The following ESRRG variants were observed in gnomAD, a reference collection of about 807,000 sequenced individuals.
ESRRG encodes the protein estrogen-related receptor gamma.
ESRRG carries 13 observed loss-of-function variants against 44.0 expected under a neutral mutation model. The ratio of observed to expected loss-of-function variants is 0.30; its 90% CI spans 0.19 to 0.47. ESRRG has a LOEUF of 0.47. ESRRG is among the 20% of genes least tolerant of loss of function. The pLI, the probability that ESRRG is intolerant of heterozygous loss-of-function variation, is 1.00. For synonymous variants in ESRRG, 215 were observed against 214.6 expected (o/e 1.00, Z -0.02); for missense variants, 395 against 580.6 (o/e 0.68, Z 3.29).
At chr1:216,959,545 G>C (rs2068626655) in intron 1 of ESRRG, 1 of 152,104 alleles carries the variant, frequency 6.6e-6, no homozygotes, top group Admixed American at 6.6e-5. Flanking sequence ...AAATTAGCTG[G>C]ATGCAGTGGT....
chr1:216,918,573 G>T (rs1027070312), intron 2 of ESRRG, among the ~76,000 whole-genome samples: 2 of 152,002 alleles, frequency 1.3e-5, no homozygotes, highest in African/African-American at 4.8e-5. Flanking sequence ...TGTCTCTAGA[G>T]ACTTCTTCCT....
intron 1 of ESRRG, among the ~76,000 whole-genome samples, chr1:217,116,519 C>T (rs79752212): frequency 0.022 from 3,380 of 152,242 alleles, 132 homozygotes; most frequent in African/African-American, 0.077. Context: ...ATAGGGAAAG[C>T]AGTTTCCCAT....
At chr1:217,126,135 C>A (rs568581649) in intron 1 of ESRRG, among the ~76,000 whole-genome samples, 1 of 152,104 alleles carries the variant, frequency 6.6e-6, no homozygotes, top group African/African-American at 2.4e-5. Flanking sequence ...ACTAGTTGTG[C>A]GGTCATGGGC....
chr1:216,913,411 C>T (rs1266494817), intron 2 of ESRRG, among the ~76,000 whole-genome samples: 10 of 152,074 alleles, frequency 6.6e-5, no homozygotes, highest in African/African-American at 1.9e-4. Flanking sequence ...AACAATCCTT[C>T]ATGGATACTG....
At chr1:216,872,378 G>A (rs1021478678) in intron 2 of ESRRG, among the ~76,000 whole-genome samples, 1 of 152,042 alleles carries the variant, frequency 6.6e-6, no homozygotes, top group African/African-American at 2.4e-5. Flanking sequence ...TTCTTCAAGT[G>A]TGTTTTAGCA....
intron 1 of ESRRG, among the ~76,000 whole-genome samples, chr1:216,954,739 T>C (rs752473597): frequency 6.6e-6 from 1 of 152,150 alleles, no homozygotes; most frequent in East Asian, 1.9e-4. Context: ...ATATACGCTA[T>C]GTTTCTTCAA....
At chr1:216,578,831 A>C (rs1194977849) in intron 3 of ESRRG, among the ~76,000 whole-genome samples, 1 of 152,134 alleles carries the variant, frequency 6.6e-6, no homozygotes, top group African/African-American at 2.4e-5. Flanking sequence ...GACCTGAGCT[A>C]TCCACAGTTG....
At chr1:217,096,392 G>A (rs867232066) in intron 1 of ESRRG, among the ~76,000 whole-genome samples, 7 of 152,356 alleles carry the variant, frequency 4.6e-5, no homozygotes, top group Admixed American at 1.3e-4. Flanking sequence ...TGAACCAGCA[G>A]AGGAAACTCA....
intron 1 of ESRRG, among the ~76,000 whole-genome samples, chr1:216,982,250 G>A (rs1248821352): frequency 6.6e-6 from 1 of 152,150 alleles, no homozygotes; most frequent in African/African-American, 2.4e-5. Context: ...CCATAGTACA[G>A]CCTTTCACTG....
rs1313443879 is a variant in ESRRG at position 216,505,981 on chromosome 1, C to T, written c.*958G>A. On this transcript the variant is annotated 3_prime_UTR_variant, in exon 7 of 7. Coordinates refer to ENST00000408911, the MANE Select transcript of ESRRG (RefSeq NM_001438.4). ...ATTATTGTTCGTAATTGTTCAAAGC[C>T]AGCACAAAATTGCAGTATTCTTATT... The T allele has an allele frequency of 1.3e-5, 2 of 152,552 alleles. No individual in the cohort carries two copies. The highest frequency in any genetic ancestry group is 2.9e-5 in the Non-Finnish European group (2 of 68,014). 9.4% of individuals were successfully genotyped at this position (152,552 alleles called of 1,614,324 possible). A position where few individuals can be genotyped will look rare whatever the true frequency, so the allele number is the denominator to read the frequency against.
chr1:216,604,647 A>T (rs2059686645), intron 3 of ESRRG, among the ~76,000 whole-genome samples: 1 of 152,332 alleles, frequency 6.6e-6, no homozygotes, highest in South Asian at 2.1e-4. Context: ...TCTAAAAAAC[A>T]GTGACCTTTC....
At chr1:217,010,258 CTG>C (rs2078376411) in intron 1 of ESRRG, among the ~76,000 whole-genome samples, 2 of 152,160 alleles carry the variant, frequency 1.3e-5, no homozygotes, top group South Asian at 4.1e-4. Context: ...GTTCTTCATG[CTG>C]TGTCTCTTTG....
intron 1 of ESRRG, among the ~76,000 whole-genome samples, chr1:216,972,510 C>A (rs977414007): frequency 6.6e-6 from 1 of 152,150 alleles, no homozygotes; most frequent in Non-Finnish European, 1.5e-5. Context: ...ATAATCCATA[C>A]TAACATACAG....
chr1:216,831,153 G>A (rs754947876), intron 2 of ESRRG, among the ~76,000 whole-genome samples: 1 of 152,044 alleles, frequency 6.6e-6, no homozygotes, highest in Non-Finnish European at 1.5e-5. Context: ...ATATTTCAAA[G>A]GGGGGAGGGG....
chr1:217,078,564 G>A (rs1197865124), intron 1 of ESRRG, among the ~76,000 whole-genome samples: 1 of 152,164 alleles, frequency 6.6e-6, no homozygotes, highest in Non-Finnish European at 1.5e-5. Flanking sequence ...TTTCATCTCA[G>A]GTATGTTAGC....
At chr1:216,839,036 G>A (rs7532492) in intron 2 of ESRRG, among the ~76,000 whole-genome samples, 39,438 of 151,950 alleles carry the variant, frequency 0.26, 5,860 homozygotes, top group African/African-American at 0.4. Context: ...TATCCTGCAC[G>A]CAGGGTAAAA....
chr1:216,539,827 T>C (rs1310637748), intron 5 of ESRRG, among the ~76,000 whole-genome samples: 7 of 151,900 alleles, frequency 4.6e-5, no homozygotes, highest in Non-Finnish European at 7.4e-5. Flanking sequence ...TTGTCTCACC[T>C]TTGACGCAAA....
At chr1:216,573,576 T>G (rs1573304281) in intron 3 of ESRRG, among the ~76,000 whole-genome samples, 1 of 151,952 alleles carries the variant, frequency 6.6e-6, no homozygotes, top group Non-Finnish European at 1.5e-5. Context: ...GTAAACAGAT[T>G]TGAGATATGA....
intron 2 of ESRRG, among the ~76,000 whole-genome samples, chr1:216,808,370 G>C (rs148629054): frequency 6.6e-6 from 1 of 152,094 alleles, no homozygotes; most frequent in Non-Finnish European, 1.5e-5. Flanking sequence ...CTGTCTGAAC[G>C]AGAGTCTTGG....
Sources: gnomAD v4.1 joint callset for allele counts (sites outside exome capture counted in the v4.1 genomes callset) on GRCh38, gnomAD v4.1.1 for gene constraint, MANE v1.5 for transcripts, NCBI Gene and HGNC (gene_info 2026-07-23, HGNC 2026-07-21) for gene names.